The following CAMTA1 variants were observed in gnomAD, a reference collection of about 807,000 sequenced individuals.
CAMTA1 encodes calmodulin binding transcription activator 1, also known as calmodulin-binding transcription activator 1.
CAMTA1 carries 27 observed loss-of-function variants against 170.9 expected under a neutral mutation model. The observed-to-expected ratio is 0.16, with a 90% CI of 0.12 to 0.22. The LOEUF is 0.22. Among genes scored for constraint, CAMTA1 ranks in the 10% least tolerant of loss-of-function variants. The pLI, the probability that CAMTA1 is intolerant of heterozygous loss-of-function variation, is 1.00. For synonymous variants in CAMTA1, 833 were observed against 891.5 expected (o/e 0.93, Z 1.17); for missense variants, 1,619 against 2,217.2 (o/e 0.73, Z 5.42).
intron 3 of CAMTA1, among the ~76,000 whole-genome samples, chr1:6,936,986 T>TA (rs201417649): frequency 1.1e-4 from 17 of 150,800 alleles, no homozygotes; most frequent in Admixed American, 6.6e-4. Context: ...AGACTCTGTT[T>TA]AAAAAAAAAG....
chr1:6,972,271 C>G (rs190053807), intron 3 of CAMTA1, among the ~76,000 whole-genome samples: 5 of 152,286 alleles, frequency 3.3e-5, no homozygotes, highest in African/African-American at 1.2e-4. Context: ...TAACAAGTAA[C>G]TGAAAGTCCC....
At chr1:7,597,112 G>A (rs1307410614) in intron 6 of CAMTA1, among the ~76,000 whole-genome samples, 1 of 152,058 alleles carries the variant, frequency 6.6e-6, no homozygotes, top group Non-Finnish European at 1.5e-5. Flanking sequence ...CAGCAAACAC[G>A]AGCCCACTTA....
intron 6 of CAMTA1, among the ~76,000 whole-genome samples, chr1:7,538,538 C>T (rs539145585): frequency 6.6e-6 from 1 of 152,312 alleles, no homozygotes. Flanking sequence ...GTAGTCCCAG[C>T]TACTAGGGAG....
At chr1:7,706,658 A>C (rs996403289) in intron 11 of CAMTA1, among the ~76,000 whole-genome samples, 2 of 152,254 alleles carry the variant, frequency 1.3e-5, no homozygotes, top group African/African-American at 4.8e-5. Context: ...AATAGCATTT[A>C]CTTACAGCGT....
chr1:7,452,055 A>T (rs1047848060), intron 5 of CAMTA1, among the ~76,000 whole-genome samples: 1 of 152,220 alleles, frequency 6.6e-6, no homozygotes, highest in South Asian at 2.1e-4. Flanking sequence ...TACACAGAAC[A>T]CCAGGCCGGG....
At chr1:6,840,371 G>C (rs1356483456) in intron 3 of CAMTA1, among the ~76,000 whole-genome samples, 2 of 152,172 alleles carry the variant, frequency 1.3e-5, no homozygotes, top group Non-Finnish European at 2.9e-5. Flanking sequence ...GCGATAACTG[G>C]TGATCTTGGT....
chr1:6,794,210 ATTGT>A (rs1641895128), intron 1 of CAMTA1, among the ~76,000 whole-genome samples: 1 of 152,214 alleles, frequency 6.6e-6, no homozygotes, highest in Non-Finnish European at 1.5e-5. Flanking sequence ...TAAGAAAAAT[ATTGT>A]TTGTCTTTTT....
At chr1:7,658,157 A>G (rs2095921400) in intron 7 of CAMTA1, among the ~76,000 whole-genome samples, 2 of 152,208 alleles carry the variant, frequency 1.3e-5, no homozygotes. Context: ...CTCCACAGAC[A>G]GCCAAGTTCA....
chr1:7,200,108 G>A (rs539779467), intron 4 of CAMTA1, among the ~76,000 whole-genome samples: 52 of 152,084 alleles, frequency 3.4e-4, no homozygotes, highest in Admixed American at 1.0e-3. Context: ...TATATCATTC[G>A]CCAGATTTCA....
chr1:7,688,055 C>CTAGAGTA (rs2096274370), intron 11 of CAMTA1, among the ~76,000 whole-genome samples: 1 of 128,978 alleles, frequency 7.8e-6, no homozygotes, highest in East Asian at 2.3e-4. Flanking sequence ...GTCGTTCAGG[C>CTAGAGTA]TAGAGTATAG....
intron 11 of CAMTA1, among the ~76,000 whole-genome samples, chr1:7,728,253 G>C (rs548277243): frequency 6.6e-5 from 10 of 152,362 alleles, no homozygotes; most frequent in Admixed American, 6.5e-4. Flanking sequence ...AGTGATGTCA[G>C]GGAAGGTCTG....
chr1:7,540,149 C>G (rs868261443), intron 6 of CAMTA1, among the ~76,000 whole-genome samples: 20 of 152,314 alleles, frequency 1.3e-4, no homozygotes, highest in South Asian at 8.3e-4. Context: ...GTGCCTGGTT[C>G]ATGATTGTGT....
intron 10 of CAMTA1, among the ~76,000 whole-genome samples, chr1:7,675,090 G>T (rs1266379814): frequency 3.3e-5 from 5 of 152,206 alleles, no homozygotes; most frequent in Non-Finnish European, 7.3e-5. Context: ...ATGAGCAGAG[G>T]CCTCTCGCAG....
At chr1:7,172,529 G>A (rs1200746479) in intron 4 of CAMTA1, among the ~76,000 whole-genome samples, 1 of 152,206 alleles carries the variant, frequency 6.6e-6, no homozygotes, top group Admixed American at 6.5e-5. Flanking sequence ...ACAGGCCTTG[G>A]AATGATCATG....
intron 3 of CAMTA1, among the ~76,000 whole-genome samples, chr1:6,976,152 G>A (rs753886328): frequency 6.6e-6 from 1 of 152,176 alleles, no homozygotes; most frequent in East Asian, 1.9e-4. Flanking sequence ...GGGACAAAAC[G>A]AAACAGTCAG....
At chr1:7,683,373 G>A (rs917484398) in intron 11 of CAMTA1, among the ~76,000 whole-genome samples, 4 of 152,074 alleles carry the variant, frequency 2.6e-5, no homozygotes, top group African/African-American at 9.7e-5. Flanking sequence ...GAATTTTTCA[G>A]ATTAGACAGT....
chr1:7,763,821 G>C (rs2096995609), intron 22 of CAMTA1, among the ~76,000 whole-genome samples: 1 of 152,180 alleles, frequency 6.6e-6, no homozygotes. Context: ...TATGCTATCA[G>C]ATTTTGAGTT....
At chr1:7,246,394 C>A (rs933691419) in intron 4 of CAMTA1, among the ~76,000 whole-genome samples, 5 of 152,126 alleles carry the variant, frequency 3.3e-5, no homozygotes, top group African/African-American at 9.7e-5. Context: ...ACCGGGCACA[C>A]AGTAAATCAA....
chr1:7,387,835 A>T (rs1467213536), intron 5 of CAMTA1, among the ~76,000 whole-genome samples: 8 of 152,168 alleles, frequency 5.3e-5, no homozygotes, highest in Non-Finnish European at 1.5e-5. Flanking sequence ...TTCTTGCCAC[A>T]TTGTCTGCAA....
Sources: gnomAD v4.1 joint callset for allele counts (sites outside exome capture counted in the v4.1 genomes callset) on GRCh38, gnomAD v4.1.1 for gene constraint, MANE v1.5 for transcripts, NCBI Gene and HGNC (gene_info 2026-07-23, HGNC 2026-07-21) for gene names.